FBXO4: variants seen among roughly 807,000 people sequenced by gnomAD.
FBXO4 encodes F-box only protein 4.
FBXO4 carries 36 observed loss-of-function variants against 43.7 expected under a neutral mutation model. The observed-to-expected ratio is 0.82, with a 90% CI of 0.63 to 1.09. FBXO4 has a LOEUF of 1.09. FBXO4 is among the 50% of genes least tolerant of loss of function. The pLI is 0.00. For missense variants in FBXO4, 435 were observed against 474.1 expected (o/e 0.92, Z 0.77); for synonymous variants, 180 against 165.6 (o/e 1.09, Z -0.67).
At chr5:41,931,802 T>G (rs2112575120) in intron 3 of FBXO4, among the ~76,000 whole-genome samples, 1 of 152,268 alleles carries the variant, frequency 6.6e-6, no homozygotes, top group South Asian at 2.1e-4. Flanking sequence ...TCAGTTTATG[T>G]TTGGGGGAAG....
the FBXO4 span, among the ~76,000 whole-genome samples, chr5:41,946,939 T>C: frequency 6.6e-6 from 1 of 152,204 alleles, no homozygotes; most frequent in Non-Finnish European, 1.5e-5. Context: ...AATCCCTAAA[T>C]ACTCAGAATC....
At chr5:41,999,494 CATATATATATGTGTATATATATATATAT>C in the FBXO4 span, among the ~76,000 whole-genome samples, 13 of 86,840 alleles carry the variant, frequency 1.5e-4, no homozygotes, top group African/African-American at 6.9e-4. Context: ...TATATATATA[CATATATATATGTGTATATATATATATAT>C]ACATATATAT....
At chr5:41,955,891 C>T in the FBXO4 span, among the ~76,000 whole-genome samples, 1 of 152,220 alleles carries the variant, frequency 6.6e-6, no homozygotes, top group African/African-American at 2.4e-5. Flanking sequence ...TGGTTGGCCT[C>T]GGTAGTAGAA....
chr5:42,012,764 TG>T, the FBXO4 span, among the ~76,000 whole-genome samples: 21 of 152,178 alleles, frequency 1.4e-4, no homozygotes, highest in Non-Finnish European at 2.1e-4. Flanking sequence ...TAGATCCAAA[TG>T]GCCTGCATAT....
the FBXO4 span, among the ~76,000 whole-genome samples, chr5:41,995,994 G>C: frequency 2.6e-5 from 4 of 152,162 alleles, no homozygotes; most frequent in African/African-American, 9.7e-5. Context: ...CTTTTGGGTG[G>C]TGCCTGCATA....
chr5:42,024,629 C>G, the FBXO4 span, among the ~76,000 whole-genome samples: 4 of 152,004 alleles, frequency 2.6e-5, no homozygotes, highest in African/African-American at 9.7e-5. Context: ...CCCTGTTGTG[C>G]TAATAGTAGA....
At chr5:41,973,467 A>G in the FBXO4 span, among the ~76,000 whole-genome samples, 5 of 152,210 alleles carry the variant, frequency 3.3e-5, no homozygotes, top group African/African-American at 7.2e-5. Context: ...GCTTGAGCCC[A>G]GGGGTTTGAG....
the FBXO4 span, among the ~76,000 whole-genome samples, chr5:42,005,732 C>T: frequency 6.6e-6 from 1 of 152,116 alleles, no homozygotes. Context: ...TCACCCCTTC[C>T]TTACCAGTAG....
At chr5:41,952,557 A>G in the FBXO4 span, among the ~76,000 whole-genome samples, 1 of 152,198 alleles carries the variant, frequency 6.6e-6, no homozygotes, top group Non-Finnish European at 1.5e-5. Context: ...TCAATTTGAG[A>G]ACATTTACAT....
chr5:42,011,360 TG>T, the FBXO4 span, among the ~76,000 whole-genome samples: 1 of 152,216 alleles, frequency 6.6e-6, no homozygotes, highest in South Asian at 2.1e-4. Flanking sequence ...TTCCTTCTCA[TG>T]TTTGGTCTCT....
At chr5:41,927,269 A>G (rs1246136624) in intron 2 of FBXO4, 21 bp downstream of exon 2, 4 of 1,511,488 alleles carry the variant, frequency 2.6e-6, no homozygotes, top group Non-Finnish European at 3.6e-6. Context: ...AGTTTTATGA[A>G]TTAAAAAGAA....
At chr5:42,027,789 C>T in the FBXO4 span, among the ~76,000 whole-genome samples, 1 of 151,718 alleles carries the variant, frequency 6.6e-6, no homozygotes, top group African/African-American at 2.4e-5. Flanking sequence ...TTCGTTGACC[C>T]ACTGGTCATT....
At chr5:42,014,650 T>G in the FBXO4 span, among the ~76,000 whole-genome samples, 1 of 152,162 alleles carries the variant, frequency 6.6e-6, no homozygotes. Flanking sequence ...GCAAATTACT[T>G]AGCTCAATGC....
At chr5:41,972,335 A>T in the FBXO4 span, among the ~76,000 whole-genome samples, 1 of 152,114 alleles carries the variant, frequency 6.6e-6, no homozygotes, top group Non-Finnish European at 1.5e-5. Context: ...CAAGAACATA[A>T]TGCTATTCAC....
chr5:42,025,850 T>G, the FBXO4 span, among the ~76,000 whole-genome samples: 1 of 151,904 alleles, frequency 6.6e-6, no homozygotes, highest in East Asian at 1.9e-4. Context: ...TGAGTTACTG[T>G]AGGTGTGCAG....
the FBXO4 span, among the ~76,000 whole-genome samples, chr5:41,963,685 T>C: frequency 2.6e-5 from 4 of 152,218 alleles, no homozygotes; most frequent in Admixed American, 2.0e-4. Context: ...TGAATCATCA[T>C]AAAATTCTTC....
the FBXO4 span, among the ~76,000 whole-genome samples, chr5:41,998,094 G>T: frequency 2.0e-5 from 3 of 152,106 alleles, no homozygotes; most frequent in African/African-American, 7.2e-5. Flanking sequence ...ATGCCAAAGC[G>T]CTACATGAGT....
At chr5:42,036,364 C>T in the FBXO4 span, among the ~76,000 whole-genome samples, 1 of 151,988 alleles carries the variant, frequency 6.6e-6, no homozygotes, top group African/African-American at 2.4e-5. Context: ...ACATAGGTAT[C>T]AGCAAACTAG....
the FBXO4 span, among the ~76,000 whole-genome samples, chr5:41,968,740 G>C: frequency 2.6e-5 from 4 of 151,872 alleles, no homozygotes; most frequent in African/African-American, 9.7e-5. Flanking sequence ...CGAAATTTAA[G>C]AATACGTAAT....
Sources: allele counts gnomAD v4.1 joint callset (sites outside exome capture counted in the v4.1 genomes callset), GRCh38; gene constraint gnomAD v4.1.1; transcripts MANE v1.5; gene names NCBI Gene and HGNC (gene_info 2026-07-23, HGNC 2026-07-21).